Variants in BMP8A observed in about 807,000 individuals in gnomAD.
BMP8A encodes BMP-8A.
Under a neutral mutation model 36.8 loss-of-function variants are expected in BMP8A, and 14 were observed. The observed-to-expected ratio is 0.38, with a 90% CI of 0.25 to 0.60. The LOEUF (loss-of-function observed/expected upper bound fraction) is 0.60, where lower values mean the gene tolerates loss of function less well. Among genes scored for constraint, BMP8A ranks in the 20% least tolerant of loss-of-function variants. BMP8A has a pLI of 0.63. For synonymous variants in BMP8A, 120 were observed against 237.7 expected, an observed-to-expected ratio of 0.50 and a Z score of 4.55; for missense variants, 267 against 551.1, an observed-to-expected ratio of 0.48 and a Z score of 5.16.
Position 39,524,809 on chromosome 1 carries a change from G to A in BMP8A, c.1060-840G>A, listed in dbSNP as rs1186982374. The A allele has an allele frequency of 3.3e-5, 5 of 152,680 alleles. No homozygotes were observed. The highest frequency in any genetic ancestry group is 1.2e-4 in the African/African-American group (5 of 41,440). The allele number at this position is 152,680 out of a possible 1,614,324, so 9.5% of individuals were successfully genotyped here. A position where few individuals can be genotyped will look rare whatever the true frequency, so the allele number is the denominator to read the frequency against. ...GCGGGAGTGGAAGGCAGAGGAGCAG[G>A]GGATGAGTGAGGGCTGCTGTGGTCA... On this transcript the variant is annotated intron_variant, in intron 6 of 6. Coordinates refer to ENST00000331593, the MANE Select transcript of BMP8A (RefSeq NM_181809.4). The surrounding 1 kb of genome is among the most constrained non-coding windows in gnomAD (Gnocchi z 4.0).
chr1:39,525,807 G>A lies in BMP8A; in HGVS notation c.*9G>A, dbSNP rs769857753. ...CCTGCGGCTGCCACTGAGTCAGCCC[G>A]CCCAGCCCTACTGCAGCCACCCTTC... On this transcript the variant is annotated 3_prime_UTR_variant, in exon 7 of 7. Coordinates refer to ENST00000331593, the MANE Select transcript of BMP8A (RefSeq NM_181809.4). The A allele has an allele frequency of 2.0e-5, 32 of 1,613,512 alleles. No individual in the cohort carries two copies. In the Middle Eastern group the frequency reaches 6.6e-4, roughly 33 times the overall value.
chr1:39,494,302 C>A (rs1249532387), intron 1 of BMP8A, among the ~76,000 whole-genome samples: 1 of 150,478 alleles, frequency 6.6e-6, no homozygotes, highest in African/African-American at 2.4e-5. Context: ...TGAACTTTTT[C>A]TTTTCTTTTC....
In BMP8A at chr1:39,523,433, A is replaced by G. The variant is rs1372351943; in HGVS notation, c.1059+316A>G. The G allele has an allele frequency of 1.1e-5, 13 of 1,188,888 alleles. No homozygotes were observed. The African/African-American group carries it at 1.1e-4, about 10-fold the overall frequency. The allele number at this position is 1,188,888 out of a possible 1,614,324, so 73.6% of individuals were successfully genotyped here. A position where few individuals can be genotyped will look rare whatever the true frequency, so the allele number is the denominator to read the frequency against. On this transcript the variant is annotated intron_variant, in intron 6 of 6. Coordinates refer to ENST00000331593, the MANE Select transcript of BMP8A (RefSeq NM_181809.4). ...CGTGCGGCGCTCAGAGGCACAGCAC[A>G]TGAAACAGATGTGTACACTGTGTGG...
chr1:39,528,699 CTTT>C lies in BMP8A; in HGVS notation c.*2916_*2918del, dbSNP rs34518993. Among the ~76,000 whole-genome samples, 7 of 139,164 alleles carry C rather than the reference CTTT, an allele frequency of 5.0e-5. No individual in the cohort carries two copies. The highest frequency in any genetic ancestry group is 1.4e-4 in the Admixed American group (2 of 13,952). 91.3% of individuals were successfully genotyped at this position (139,164 alleles called of 152,430 possible). On this transcript the variant is annotated 3_prime_UTR_variant, in exon 7 of 7. Coordinates refer to ENST00000331593, the MANE Select transcript of BMP8A (RefSeq NM_181809.4). ...CGACCTGGCATCAGGTCCTGGCTGCCTTTTTTTTTTTTTTTTTAAAGACATACA... is the reference window on the plus strand; with the variant it reads ...CGACCTGGCATCAGGTCCTGGCTGCCTTTTTTTTTTTTTTAAAGACATACA...
At position 39,529,664 on chromosome 1, in the gene BMP8A, C is replaced by T. The variant is rs1435287825; in HGVS notation, c.*3866C>T. Among the ~76,000 whole-genome samples the T allele has an allele frequency of 6.6e-6, 1 of 152,168 alleles. No individual in the cohort carries two copies. The highest frequency in any genetic ancestry group is 6.5e-5 in the Admixed American group (1 of 15,278). On this transcript the variant is annotated 3_prime_UTR_variant, in exon 7 of 7. Transcript: ENST00000331593. ...ATAACAAAAACCAGAATACAAACACCCATAATCAATCACAGAGATAACCAC... is the reference window on the plus strand; with the variant it reads ...ATAACAAAAACCAGAATACAAACACTCATAATCAATCACAGAGATAACCAC...
intron 1 of BMP8A, among the ~76,000 whole-genome samples, chr1:39,508,911 C>T (rs770754596): frequency 4.6e-5 from 7 of 152,168 alleles, no homozygotes; most frequent in South Asian, 2.1e-4. Flanking sequence ...GGTGGTTTAT[C>T]GATTTCACAA....
rs1227935500 is a variant in BMP8A, at chr1:39,529,413, C to T, written c.*3615C>T. 6.6e-6 allele frequency among the ~76,000 whole-genome samples: 1 copy of T among 152,186 alleles called. No individual in the cohort carries two copies. Among genetic ancestry groups the T allele is most frequent in the Non-Finnish European group, 1.5e-5 (1 of 68,036 alleles). ...CCAGCAGTGACCCACGCGCTAGGGT[C>T]TCTGCTGAGGAAGTGGCAGGTGTGC... is the stretch of plus-strand genomic sequence containing the variant. On this transcript the variant is annotated 3_prime_UTR_variant, in exon 7 of 7. Transcript: ENST00000331593.
rs1645515864 is a variant in BMP8A at position 39,529,607 on chromosome 1, A to G, written c.*3809A>G. Among the ~76,000 whole-genome samples the G allele has an allele frequency of 6.6e-6, 1 of 152,240 alleles. No homozygotes were observed. Among genetic ancestry groups the G allele is most frequent in the Admixed American group, 6.5e-5 (1 of 15,284 alleles). ...AAAAAATTTTTTCTCACGTAAGAAA[A>G]TGTTATCTGTGTGCTGGGGAAAATT... On this transcript the variant is annotated 3_prime_UTR_variant, in exon 7 of 7. Coordinates refer to ENST00000331593, the MANE Select transcript of BMP8A (RefSeq NM_181809.4).
chr1:39,523,052 G>C lies in BMP8A; in HGVS notation c.994G>C (p.Gly332Arg). The change falls in exon 6 of 7, where the codon GGG becomes CGG. Residue 332 changes from glycine (G) to arginine (R), a missense_variant. Physicochemically the swap from Gly to Arg is moderately radical, Grantham distance 125. Around this residue, in one of 7 missense-constraint regions of BMP8A, gnomAD observed 132 missense variants for 151.3 expected, o/e 0.87. Transcript: ENST00000331593. ...PQGYSAYYCE[G>R]ECSFPLDSCM... Reference sequence around the variant, plus strand: ...AGGCTACTCAGCCTATTACTGTGAGGGGGAGTGCTCCTTCCCGCTGGACTC... The same window carrying C: ...AGGCTACTCAGCCTATTACTGTGAGCGGGAGTGCTCCTTCCCGCTGGACTC... 1 of 1,613,844 alleles carries C rather than the reference G, an allele frequency of 6.2e-7. No homozygotes were observed. The highest frequency in any genetic ancestry group is 8.5e-7 in the Non-Finnish European group (1 of 1,179,876).
intron 1 of BMP8A, among the ~76,000 whole-genome samples, chr1:39,502,311 A>AAATAAAAAAT (rs1444693937): frequency 6.6e-6 from 1 of 152,114 alleles, no homozygotes; most frequent in Non-Finnish European, 1.5e-5. Context: ...CAGATATTTA[A>AAATAAAAAAT]AATAAAAAAT....
In BMP8A at chr1:39,525,799, G is replaced by A; in HGVS notation, c.*1G>A. On this transcript the variant is annotated 3_prime_UTR_variant, in exon 7 of 7. Coordinates refer to ENST00000331593, the MANE Select transcript of BMP8A (RefSeq NM_181809.4). ...GGTCAAGGCCTGCGGCTGCCACTGA[G>A]TCAGCCCGCCCAGCCCTACTGCAGC... is the stretch of plus-strand genomic sequence containing the variant. 2 of 1,614,016 alleles carry A rather than the reference G, an allele frequency of 1.2e-6. No individual in the cohort carries two copies. Among genetic ancestry groups the A allele is most frequent in the East Asian group, 2.2e-5 (1 of 44,888 alleles).
chr1:39,504,976 A>G (rs1354901919), intron 1 of BMP8A, among the ~76,000 whole-genome samples: 1 of 152,204 alleles, frequency 6.6e-6, no homozygotes, highest in East Asian at 1.9e-4. Flanking sequence ...AAAGAGCAGT[A>G]TTGTCGCCAG....
chr1:39,500,219 A>T (rs191019356), intron 1 of BMP8A, among the ~76,000 whole-genome samples: 1 of 152,312 alleles, frequency 6.6e-6, no homozygotes, highest in East Asian at 1.9e-4. Flanking sequence ...TCCTTCTCCT[A>T]CAGTCGAGGG....
chr1:39,501,438 T>G (rs1252009774), intron 1 of BMP8A, among the ~76,000 whole-genome samples: 2 of 152,222 alleles, frequency 1.3e-5, no homozygotes, highest in African/African-American at 4.8e-5. Flanking sequence ...CACTGCAGTC[T>G]CCACCTCCCA....
At position 39,525,182 on chromosome 1, in the gene BMP8A, C is replaced by T. The variant is rs1200636447; in HGVS notation, c.1060-467C>T. On this transcript the variant is annotated intron_variant, in intron 6 of 6. Transcript: ENST00000331593. Reference sequence around the variant, plus strand: ...AGAAGGAGCAGCACAGGAGAGGGGGCGAGGCCTGGCCTCCCAGAGCCTGGG... The same window carrying T: ...AGAAGGAGCAGCACAGGAGAGGGGGTGAGGCCTGGCCTCCCAGAGCCTGGG... 5 of 167,534 alleles carry T rather than the reference C, an allele frequency of 3.0e-5. No homozygotes were observed. In the East Asian group the frequency reaches 5.2e-4, roughly 17 times the overall value. 10.4% of individuals were successfully genotyped at this position (167,534 alleles called of 1,614,324 possible).
intron 5 of BMP8A, 30 bp downstream of exon 5, chr1:39,522,512 T>C (rs773004673): frequency 9.9e-6 from 16 of 1,612,894 alleles, no homozygotes; most frequent in Non-Finnish European, 1.4e-5. Context: ...GTTTCTGAAA[T>C]GACAATCACC....
At chr1:39,516,391 G>C (rs1165712212) in intron 3 of BMP8A, 1 of 831,822 alleles carries the variant, frequency 1.2e-6, no homozygotes, top group Non-Finnish European at 1.6e-6. Context: ...CGCTGAGGGA[G>C]CTCTGGGAGG....
At chr1:39,506,453 C>T (rs187422478) in intron 1 of BMP8A, among the ~76,000 whole-genome samples, 3 of 151,978 alleles carry the variant, frequency 2.0e-5, no homozygotes, top group Non-Finnish European at 2.9e-5. Context: ...ATGATCCACC[C>T]GCCTCGGCCT....
chr1:39,510,921 T>C (rs2124355751), intron 1 of BMP8A, among the ~76,000 whole-genome samples: 1 of 152,284 alleles, frequency 6.6e-6, no homozygotes, highest in Admixed American at 6.5e-5. Flanking sequence ...ATTTGGAGCC[T>C]GGGGCCTGCT....
Sources: allele counts gnomAD v4.1 joint callset (sites outside exome capture counted in the v4.1 genomes callset), GRCh38; gene constraint gnomAD v4.1.1; regional missense constraint gnomAD v4.1.1; non-coding constraint Gnocchi (gnomAD v3.1); transcripts MANE v1.5; gene names NCBI Gene and HGNC (gene_info 2026-07-23, HGNC 2026-07-21).